Variants in NBEAL1 observed in about 807,000 individuals in gnomAD.
The protein encoded by NBEAL1 is neurobeachin-like protein 1.
Under a neutral mutation model 351.3 loss-of-function variants are expected in NBEAL1, and 273 were observed. The observed-to-expected ratio is 0.78, with a 90% confidence interval of 0.70 to 0.86. The LOEUF is 0.86. Among genes scored for constraint, NBEAL1 ranks in the 40% least tolerant of loss-of-function variants. The pLI is 0.00. For synonymous variants in NBEAL1, 1,050 were observed against 1,086.4 expected (o/e 0.97, Z 0.66); for missense variants, 2,961 against 3,201.3 (o/e 0.92, Z 1.81).
At chr2:203,047,628 A>G (rs1025476571) in intron 3 of NBEAL1, among the ~76,000 whole-genome samples, 2 of 152,192 alleles carry the variant, frequency 1.3e-5, no homozygotes, top group African/African-American at 2.4e-5. Context: ...GTGGCAGCAC[A>G]GGAATTGTCT....
At chr2:203,159,430 C>T (rs888672502) in intron 36 of NBEAL1, among the ~76,000 whole-genome samples, 2 of 152,002 alleles carry the variant, frequency 1.3e-5, no homozygotes, top group Non-Finnish European at 2.9e-5. Flanking sequence ...GTGGATTTGC[C>T]TACTTTGGAC....
In NBEAL1 at chr2:203,217,274, C is replaced by G; in HGVS notation, c.8092C>G (p.Arg2698Gly). Residue 2698 changes from arginine (R) to glycine (G), a missense_variant, in exon 56 of 56, where the codon CGA becomes GGA. Arg to Gly is a moderately radical substitution (Grantham distance 125). Transcript: ENST00000683969. ...ACAGATGCGTTCAGGTCAGCTTTCT[C>G]GAAAATTTTGGGGATCGAGCAAGCG... ...PAEMRSGQLS[R>G]KFWGSSKRLS... The G allele has an allele frequency of 6.3e-7, 1 of 1,595,678 alleles. No individual in the cohort carries two copies. Among genetic ancestry groups the G allele is most frequent in the Middle Eastern group, 1.7e-4 (1 of 5,984 alleles).
At chr2:203,203,498 CTTAACAGGCTT>C (rs1436815417) in intron 51 of NBEAL1, among the ~76,000 whole-genome samples, 1 of 151,882 alleles carries the variant, frequency 6.6e-6, no homozygotes, top group Non-Finnish European at 1.5e-5. Flanking sequence ...TCTGCATTGT[CTTAACAGGCTT>C]TCTCCCACTC....
At chr2:203,037,492 T>A (rs2061058954) in intron 2 of NBEAL1, among the ~76,000 whole-genome samples, 1 of 149,138 alleles carries the variant, frequency 6.7e-6, no homozygotes, top group Non-Finnish European at 1.5e-5. Context: ...AATGCACAGA[T>A]TTTAAGTGTC....
chr2:203,174,410 A>G (rs1267073819), intron 41 of NBEAL1, among the ~76,000 whole-genome samples: 1 of 151,998 alleles, frequency 6.6e-6, no homozygotes, highest in African/African-American at 2.4e-5. Flanking sequence ...ATTGTTATGA[A>G]CAATATATGT....
At position 203,149,101 on chromosome 2, in the gene NBEAL1, A is replaced by G; in HGVS notation, c.5415A>G (p.Lys1805=). ...SQQLATLRRW[K]AIQLYLTCER... is the part of the protein sequence containing the mutation. ...AGTTAGCCACTCTTAGACGCTGGAA[A>G]GCAATACAGCTCTATCTTACATGTG... Residue 1805 remains lysine (K), a synonymous_variant, in exon 34 of 56, where the codon AAA becomes AAG. Coordinates refer to ENST00000683969, the MANE Select transcript of NBEAL1 (RefSeq NM_001378026.1). The G allele has an allele frequency of 6.2e-7, 1 of 1,611,530 alleles. No homozygotes were observed. The highest frequency in any genetic ancestry group is 8.5e-7 in the Non-Finnish European group (1 of 1,178,352).
At chr2:203,158,678 T>A (rs756730297) in intron 36 of NBEAL1, among the ~76,000 whole-genome samples, 25 of 152,178 alleles carry the variant, frequency 1.6e-4, no homozygotes, top group Non-Finnish European at 2.8e-4. Context: ...TTATTTATGC[T>A]TTGTTTGCTA....
chr2:203,017,167 A>G (rs1048631478), intron 2 of NBEAL1, among the ~76,000 whole-genome samples: 3 of 152,194 alleles, frequency 2.0e-5, no homozygotes, highest in South Asian at 2.1e-4. Flanking sequence ...ACTCCTTAAA[A>G]ACATGTTTTT....
chr2:203,116,929 C>T (rs773414488), intron 18 of NBEAL1, among the ~76,000 whole-genome samples: 3 of 151,728 alleles, frequency 2.0e-5, no homozygotes, highest in Non-Finnish European at 4.4e-5. Context: ...TAGTGAAACC[C>T]GTCTCTACTA....
At chr2:203,160,781 C>T (rs1178192121) in intron 36 of NBEAL1, among the ~76,000 whole-genome samples, 3 of 152,116 alleles carry the variant, frequency 2.0e-5, no homozygotes, top group Admixed American at 6.6e-5. Context: ...TTGCCAATGA[C>T]GTCTCTATTC....
chr2:203,030,259 A>G (rs1311462232), intron 2 of NBEAL1, among the ~76,000 whole-genome samples: 4 of 152,216 alleles, frequency 2.6e-5, no homozygotes, highest in African/African-American at 7.2e-5. Flanking sequence ...AACTGGCAAC[A>G]TGGTAAGACA....
chr2:203,156,122 A>G (rs1458066832), intron 35 of NBEAL1, among the ~76,000 whole-genome samples: 1 of 152,130 alleles, frequency 6.6e-6, no homozygotes, highest in Non-Finnish European at 1.5e-5. Flanking sequence ...CTGGTATTGT[A>G]GTTATCAATA....
chr2:203,178,277 G>T (rs1379006877), intron 42 of NBEAL1, among the ~76,000 whole-genome samples: 2 of 150,476 alleles, frequency 1.3e-5, no homozygotes, highest in Non-Finnish European at 2.9e-5. Context: ...CGATTCTCCT[G>T]CCTCAGCCTC....
At chr2:203,101,542 A>G (rs1185078998) in intron 12 of NBEAL1, among the ~76,000 whole-genome samples, 1 of 152,132 alleles carries the variant, frequency 6.6e-6, no homozygotes, top group Non-Finnish European at 1.5e-5. Flanking sequence ...GAAGAATGCC[A>G]CTGGTAGTTT....
At chr2:203,095,171 C>T (rs190656272) in intron 10 of NBEAL1, among the ~76,000 whole-genome samples, 118 of 152,218 alleles carry the variant, frequency 7.8e-4, no homozygotes, top group African/African-American at 2.7e-3. Flanking sequence ...TCTTTAGTAG[C>T]AAGGAGAAGA....
chr2:203,197,176 T>G, intron 47 of NBEAL1, 126 bp from the exon 48 acceptor site: 1 of 536,912 alleles, frequency 1.9e-6, no homozygotes, highest in East Asian at 3.0e-5. Context: ...AATTAATTGA[T>G]TAGATGTTTC....
chr2:203,164,182 A>G (rs1295374105), intron 36 of NBEAL1, among the ~76,000 whole-genome samples: 1 of 151,754 alleles, frequency 6.6e-6, no homozygotes, highest in Non-Finnish European at 1.5e-5. Context: ...ACTTTGTACA[A>G]TCTTTGAGAG....
intron 3 of NBEAL1, among the ~76,000 whole-genome samples, chr2:203,042,553 T>C (rs919486911): frequency 6.6e-6 from 1 of 152,088 alleles, no homozygotes; most frequent in African/African-American, 2.4e-5. Flanking sequence ...GTGGTGAGGC[T>C]GAAAGTTCCA....
At chr2:203,114,932 A>G (rs533323668) in intron 17 of NBEAL1, among the ~76,000 whole-genome samples, 38 of 151,682 alleles carry the variant, frequency 2.5e-4, no homozygotes, top group African/African-American at 8.9e-4. Context: ...TTTTATTTTT[A>G]GTAGAGACAA....
Sources: gnomAD v4.1 joint callset for allele counts (sites outside exome capture counted in the v4.1 genomes callset) on GRCh38, gnomAD v4.1.1 for gene constraint, MANE v1.5 for transcripts, NCBI Gene and HGNC (gene_info 2026-07-23, HGNC 2026-07-21) for gene names.